The following PCDHA3 variants were observed in gnomAD, a reference collection of about 807,000 sequenced individuals.
PCDHA3 encodes protocadherin alpha 3, also known as protocadherin alpha-3.
PCDHA3 carries 41 observed loss-of-function variants against 62.2 expected under a neutral mutation model. That is an observed-to-expected ratio of 0.66 (90% confidence interval 0.51 to 0.86). PCDHA3 has a LOEUF of 0.86. Among genes scored for constraint, PCDHA3 ranks in the 40% least tolerant of loss-of-function variants. PCDHA3 has a pLI of 0.00. For synonymous variants in PCDHA3, 640 were observed against 555.4 expected (o/e 1.15, Z -2.14); for missense variants, 1,304 against 1,241.2 (o/e 1.05, Z -0.76).
At chr5:140,883,844 G>T (rs1404353270) in intron 1 of PCDHA3, 10 of 1,612,718 alleles carry the variant, frequency 6.2e-6, no homozygotes, top group South Asian at 1.1e-5. Flanking sequence ...GTTGGACCAC[G>T]AGGAGCTGGA....
intron 1 of PCDHA3, chr5:140,928,218 A>G: frequency 6.2e-7 from 1 of 1,614,190 alleles, no homozygotes; most frequent in East Asian, 2.2e-5. Flanking sequence ...ATGACAATAC[A>G]CCAAACTTTC....
intron 3 of PCDHA3, among the ~76,000 whole-genome samples, chr5:140,994,821 T>C (rs2097651680): frequency 6.6e-6 from 1 of 152,052 alleles, no homozygotes. Flanking sequence ...AAAAACTGAA[T>C]TGTGTAGTCT....
chr5:140,820,549 G>C (rs1219526064), intron 1 of PCDHA3, among the ~76,000 whole-genome samples: 2 of 152,016 alleles, frequency 1.3e-5, no homozygotes, highest in East Asian at 3.9e-4. Flanking sequence ...TAGAAAACTT[G>C]GTGATATTTT....
chr5:140,836,169 G>T (rs1386598071), intron 1 of PCDHA3: 1 of 1,613,722 alleles, frequency 6.2e-7, no homozygotes, highest in East Asian at 2.2e-5. Flanking sequence ...GAAGGTACGT[G>T]CAGTTGACGC....
At chr5:140,870,135 T>C (rs781798788) in intron 1 of PCDHA3, 1 of 1,614,000 alleles carries the variant, frequency 6.2e-7, no homozygotes, top group Non-Finnish European at 8.5e-7. Context: ...ACACCAACGA[T>C]AACTCTCCTG....
chr5:140,921,974 T>G lies in PCDHA3; in HGVS notation c.2395-56975T>G, dbSNP rs184369031. Among the ~76,000 whole-genome samples the G allele has an allele frequency of 1.1e-3, 161 of 151,826 alleles. 2 individuals are homozygous for G. The highest frequency in any genetic ancestry group is 2.1e-3 in the Non-Finnish European group (141 of 67,922). The stretch of plus-strand genomic sequence containing the variant: ...AATCCCAGAAAACCAAAGGAAAAAA[T>G]AGAACTAAAAAAGAGTTCAATGAAA... On this transcript the variant is annotated intron_variant, in intron 1 of 3. Transcript: ENST00000522353.
intron 1 of PCDHA3, among the ~76,000 whole-genome samples, chr5:140,964,480 C>T (rs2095835890): frequency 6.6e-6 from 1 of 152,122 alleles, no homozygotes; most frequent in Non-Finnish European, 1.5e-5. Flanking sequence ...GATTTTTTCA[C>T]AGTCACAGGT....
chr5:140,876,567 G>T (rs782286416), intron 1 of PCDHA3: 90 of 1,614,068 alleles, frequency 5.6e-5, no homozygotes, highest in Non-Finnish European at 6.3e-5. Context: ...ATGCTCAGGT[G>T]GGTACCGTCA....
chr5:140,863,770 G>A (rs953823411), intron 1 of PCDHA3: 6 of 240,128 alleles, frequency 2.5e-5, no homozygotes, highest in Non-Finnish European at 4.1e-5. Context: ...AAGCCGAGGC[G>A]GGCGGATCAC....
At chr5:140,852,176 A>G in intron 1 of PCDHA3, 1 of 792,442 alleles carries the variant, frequency 1.3e-6, no homozygotes, top group South Asian at 5.6e-5. Flanking sequence ...CACAAAAATA[A>G]CTATGAAAAT....
chr5:140,850,322 C>A (rs2150479524), intron 1 of PCDHA3: 3 of 1,597,382 alleles, frequency 1.9e-6, no homozygotes, highest in African/African-American at 1.3e-5. Context: ...GGCTTTCATA[C>A]GAGCTGCAGC....
chr5:140,834,198 C>A, intron 1 of PCDHA3: 3 of 594,856 alleles, frequency 5.0e-6, no homozygotes, highest in East Asian at 2.8e-5. Flanking sequence ...CGCTCTTTAC[C>A]GCAAATTCTT....
intron 1 of PCDHA3, chr5:140,834,421 A>G (rs1772980972): frequency 6.2e-7 from 1 of 1,612,030 alleles, no homozygotes; most frequent in Non-Finnish European, 8.5e-7. Flanking sequence ...GGGGGCCGAC[A>G]TCTACTGCTG....
At chr5:140,857,833 A>C (rs1554150723) in intron 1 of PCDHA3, 1 of 1,597,676 alleles carries the variant, frequency 6.3e-7, no homozygotes. Context: ...AGGTGCGCGC[A>C]GTGGACGCTG....
At chr5:140,874,161 A>G (rs1173333729) in intron 1 of PCDHA3, among the ~76,000 whole-genome samples, 1 of 152,042 alleles carries the variant, frequency 6.6e-6, no homozygotes, top group Non-Finnish European at 1.5e-5. Context: ...ATTCTTGGTT[A>G]CTCTTTCCTG....
intron 3 of PCDHA3, among the ~76,000 whole-genome samples, chr5:141,008,259 T>G (rs986818585): frequency 3.3e-5 from 5 of 152,202 alleles, no homozygotes; most frequent in Non-Finnish European, 7.3e-5. Context: ...TAGAGGAGAC[T>G]GAGAAGTAAT....
chr5:140,828,740 G>C (rs2150158441), intron 1 of PCDHA3: 1 of 1,614,226 alleles, frequency 6.2e-7, no homozygotes, highest in Admixed American at 1.7e-5. Context: ...AGCCACAGAT[G>C]GGGGCAAACC....
intron 1 of PCDHA3, among the ~76,000 whole-genome samples, chr5:140,935,064 T>C (rs782620164): frequency 5.9e-5 from 9 of 152,252 alleles, no homozygotes; most frequent in Admixed American, 2.0e-4. Flanking sequence ...GATGTTCAGA[T>C]TATCTTGTAC....
intron 1 of PCDHA3, chr5:140,830,858 A>G (rs1554133040): frequency 6.5e-6 from 1 of 153,326 alleles, no homozygotes; most frequent in African/African-American, 2.4e-5. Context: ...CTCTTTTTTG[A>G]TCATATATTG....
Sources: gnomAD v4.1 joint callset for allele counts (sites outside exome capture counted in the v4.1 genomes callset) on GRCh38, gnomAD v4.1.1 for gene constraint, MANE v1.5 for transcripts, NCBI Gene and HGNC (gene_info 2026-07-23, HGNC 2026-07-21) for gene names.